The following IGF2BP2 variants were observed in gnomAD, a reference collection of about 807,000 sequenced individuals.
IGF2BP2 encodes insulin-like growth factor 2 mRNA-binding protein 2.
IGF2BP2 carries 17 observed loss-of-function variants against 75.8 expected under a neutral mutation model. The observed-to-expected ratio is 0.22, with a 90% CI of 0.15 to 0.34. The LOEUF is 0.34. IGF2BP2 is among the 10% of genes least tolerant of loss of function. The probability of loss-of-function intolerance (pLI) is 1.00; values close to 1 mark genes in which losing one functional copy is unlikely to be tolerated. For missense variants in IGF2BP2, 516 were observed against 772.4 expected (o/e 0.67, Z 3.93); for synonymous variants, 288 against 295.6 (o/e 0.97, Z 0.26).
At chr3:185,763,083 A>C (rs937334569) in intron 2 of IGF2BP2, among the ~76,000 whole-genome samples, 13 of 152,178 alleles carry the variant, frequency 8.5e-5, no homozygotes, top group Admixed American at 6.5e-5. Context: ...ACAAAAAATA[A>C]AGCAGCTAAG....
intron 2 of IGF2BP2, among the ~76,000 whole-genome samples, chr3:185,733,119 T>C (rs1479977145): frequency 6.6e-6 from 1 of 152,188 alleles, no homozygotes; most frequent in Non-Finnish European, 1.5e-5. Context: ...CAGACTAGGC[T>C]CTGCCAAAGA....
rs201870060 is a variant in IGF2BP2 at position 185,743,171 on chromosome 3, A to AT, written c.240-44825dup. Among the ~76,000 whole-genome samples the AT allele has an allele frequency of 1.0e-3, 155 of 150,270 alleles. 2 individuals carry two copies. Among genetic ancestry groups the AT allele is most frequent in the Non-Finnish European group, 1.7e-3 (113 of 67,314 alleles). On this transcript the variant is annotated intron_variant, in intron 2 of 15. Coordinates refer to ENST00000382199, the MANE Select transcript of IGF2BP2 (RefSeq NM_006548.6). ...CAATAAAATTCATACTAATAATTACATTTTTTTTTTTACTTAGAGTGACTT... is the reference window on the plus strand; with the variant it reads ...CAATAAAATTCATACTAATAATTACATTTTTTTTTTTTACTTAGAGTGACTT...
In IGF2BP2 at chr3:185,677,026, G is replaced by GGAGAT. The variant is rs1560275693; in HGVS notation, c.813-1114_813-1113insATCTC. ...TGGAGAGATTATATATATGGAGAGA[G>GGAGAT]ATATATATATATATGGAGATATATA... On this transcript the variant is annotated intron_variant, in intron 7 of 15. Coordinates refer to ENST00000382199, the MANE Select transcript of IGF2BP2 (RefSeq NM_006548.6). 1.6e-4 allele frequency among the ~76,000 whole-genome samples: 13 copies of GGAGAT among 81,308 alleles called. 1 individual carries two copies. In the East Asian group the frequency reaches 2.7e-3, roughly 17 times the overall value. The allele number at this position is 81,308 out of a possible 152,430, so 53.3% of individuals were successfully genotyped here. A position where few individuals can be genotyped will look rare whatever the true frequency, so the allele number is the denominator to read the frequency against.
intron 2 of IGF2BP2, among the ~76,000 whole-genome samples, chr3:185,730,496 A>T (rs1212781781): frequency 7.3e-6 from 1 of 137,218 alleles, no homozygotes; most frequent in Non-Finnish European, 1.5e-5. Context: ...GTGCAATGGC[A>T]CAGTCTCGGC....
intron 10 of IGF2BP2, among the ~76,000 whole-genome samples, chr3:185,670,016 A>G (rs950795402): frequency 2.0e-5 from 3 of 152,226 alleles, no homozygotes; most frequent in Non-Finnish European, 2.9e-5. Context: ...TGCATGAAGG[A>G]GATGTCTGCA....
At chr3:185,668,049 A>G (rs1342069914) in intron 10 of IGF2BP2, among the ~76,000 whole-genome samples, 1 of 152,200 alleles carries the variant, frequency 6.6e-6, no homozygotes, top group Admixed American at 6.5e-5. Flanking sequence ...TTGTTTTATC[A>G]TGTTATTCAC....
intron 2 of IGF2BP2, among the ~76,000 whole-genome samples, chr3:185,768,831 A>G (rs1192070159): frequency 1.3e-5 from 2 of 152,210 alleles, no homozygotes; most frequent in Non-Finnish European, 2.9e-5. Context: ...CAGGGAGACT[A>G]GCCTGACCAA....
At chr3:185,660,551 C>T (rs758515946) in intron 10 of IGF2BP2, among the ~76,000 whole-genome samples, 2 of 152,184 alleles carry the variant, frequency 1.3e-5, no homozygotes, top group African/African-American at 2.4e-5. Context: ...CCACTTAACA[C>T]GGCTGTAGTG....
In IGF2BP2 at chr3:185,689,628, C is replaced by T; in HGVS notation, c.405-1G>A. The stretch of plus-strand genomic sequence containing the variant: ...ATGCCCGCTTAGCTTCTCCATGGCT[C>T]TGAAATGCAGCAGGACAGGGGAGCT... On this transcript the variant is annotated splice_acceptor_variant, in intron 5 of 15. Coordinates refer to ENST00000382199, the MANE Select transcript of IGF2BP2 (RefSeq NM_006548.6). LOFTEE classifies it high-confidence loss of function. The T allele has an allele frequency of 6.2e-7, 1 of 1,614,006 alleles. No homozygotes were observed. The highest frequency in any genetic ancestry group is 8.5e-7 in the Non-Finnish European group (1 of 1,179,928).
At chr3:185,677,068 T>TATATATAGCGAGAGAGAGAG in intron 7 of IGF2BP2, among the ~76,000 whole-genome samples, 1 of 35,876 alleles carries the variant, frequency 2.8e-5, no homozygotes, top group African/African-American at 1.6e-4. Flanking sequence ...TATATATATA[T>TATATATAGCGAGAGAGAGAG]AGAGAGAGAG....
intron 2 of IGF2BP2, chr3:185,722,192 C>G: frequency 4.4e-6 from 2 of 454,870 alleles, no homozygotes; most frequent in South Asian, 3.1e-5. Flanking sequence ...CTTCAGCCTC[C>G]CAAAGTGCTG....
At chr3:185,708,862 G>A (rs1163380657) in intron 2 of IGF2BP2, among the ~76,000 whole-genome samples, 3 of 152,218 alleles carry the variant, frequency 2.0e-5, no homozygotes, top group Admixed American at 6.5e-5. Context: ...ATGTAAGGCT[G>A]AGTTGTTATG....
chr3:185,807,165 A>C (rs1029224441), intron 2 of IGF2BP2, among the ~76,000 whole-genome samples: 1 of 152,212 alleles, frequency 6.6e-6, no homozygotes, highest in African/African-American at 2.4e-5. Flanking sequence ...TAGGCACTGA[A>C]AAAAATCAGG....
intron 2 of IGF2BP2, among the ~76,000 whole-genome samples, chr3:185,715,838 G>GT (rs1560345954): frequency 6.6e-6 from 1 of 151,998 alleles, no homozygotes. Flanking sequence ...TAGAGACGGG[G>GT]TTTTGCCATG....
chr3:185,766,449 A>C (rs928988265), intron 2 of IGF2BP2, among the ~76,000 whole-genome samples: 3 of 152,192 alleles, frequency 2.0e-5, no homozygotes, highest in African/African-American at 7.2e-5. Flanking sequence ...TGGTTGGAAA[A>C]AAAATAAAAA....
chr3:185,766,279 A>C (rs181051909), intron 2 of IGF2BP2, among the ~76,000 whole-genome samples: 73 of 152,354 alleles, frequency 4.8e-4, no homozygotes, highest in Admixed American at 5.9e-4. Flanking sequence ...AGGCAAAACA[A>C]TTTAAAATAT....
At chr3:185,679,610 T>G (rs552602066) in intron 7 of IGF2BP2, among the ~76,000 whole-genome samples, 1 of 151,974 alleles carries the variant, frequency 6.6e-6, no homozygotes, top group African/African-American at 2.4e-5. Flanking sequence ...TATTTTAACG[T>G]TTTTTCGTTT....
intron 2 of IGF2BP2, among the ~76,000 whole-genome samples, chr3:185,739,405 T>C (rs1466432553): frequency 6.6e-6 from 1 of 152,230 alleles, no homozygotes; most frequent in Non-Finnish European, 1.5e-5. Flanking sequence ...TATTTTCTTT[T>C]AAACTAAGTC....
chr3:185,747,280 C>A (rs541502671), intron 2 of IGF2BP2, among the ~76,000 whole-genome samples: 2 of 152,094 alleles, frequency 1.3e-5, no homozygotes, highest in Admixed American at 1.3e-4. Flanking sequence ...GGTAACGCTA[C>A]GATTTATCAC....
Sources: allele counts gnomAD v4.1 joint callset (sites outside exome capture counted in the v4.1 genomes callset), GRCh38; gene constraint gnomAD v4.1.1; transcripts MANE v1.5; gene names NCBI Gene and HGNC (gene_info 2026-07-23, HGNC 2026-07-21).